The following FOS variants were observed in gnomAD, a reference collection of about 807,000 sequenced individuals.
FOS encodes Fos proto-oncogene, AP-1 transcription factor subunit.
In FOS, 9 loss-of-function variants were observed where a neutral mutation model predicts 27.2. That is an observed-to-expected ratio of 0.33 (90% CI 0.20 to 0.58). The LOEUF (loss-of-function observed/expected upper bound fraction) is 0.58. Ranked by LOEUF, FOS falls within the 20% of genes least tolerant of loss-of-function variation. The pLI is 0.87. For synonymous variants in FOS, 213 were observed against 205.1 expected (o/e 1.04, Z -0.33); for missense variants, 405 against 483.5 (o/e 0.84, Z 1.52).
In FOS at chr14:75,281,334, C is replaced by A; in HGVS notation, c.1053C>A (p.Phe351Leu). The A allele has an allele frequency of 6.2e-7, 1 of 1,610,028 alleles. No individual in the cohort carries two copies. Among genetic ancestry groups the A allele is most frequent in the Non-Finnish European group, 8.5e-7 (1 of 1,179,992 alleles). ...FVFTYPEADS[F>L]PSCAAAHRKG... is the part of the protein sequence containing the mutation. ...TCACCTACCCCGAGGCTGACTCCTT[C>A]CCCAGCTGTGCAGCTGCCCACCGCA... Residue 351 changes from phenylalanine (F) to leucine (L), a missense_variant, in exon 4 of 4, where the codon TTC becomes TTA. Transcript: ENST00000303562. The surrounding 1 kb of genome is among the most constrained non-coding windows in gnomAD (Gnocchi z 4.7).
In FOS at chr14:75,279,757, G is replaced by A; in HGVS notation, c.142-120G>A. 1 of 1,188,046 alleles carries A rather than the reference G, an allele frequency of 8.4e-7. No homozygotes were observed. 73.6% of individuals were successfully genotyped at this position (1,188,046 alleles called of 1,614,324 possible). A position where few individuals can be genotyped will look rare whatever the true frequency, so the allele number is the denominator to read the frequency against. On this transcript the variant is annotated intron_variant, in intron 1 of 3. Coordinates refer to ENST00000303562, the MANE Select transcript of FOS (RefSeq NM_005252.4). This position sits in a 1 kb window ranked among gnomAD's most constrained non-coding sequence, Gnocchi z 5.4. ...TTCATCCAGGATGAGGGACATTTAAGATGAAATGTCCGTGGCAGGATCGTT... is the reference window on the plus strand; with the variant it reads ...TTCATCCAGGATGAGGGACATTTAAAATGAAATGTCCGTGGCAGGATCGTT...
chr14:75,280,266 A>C, intron 2 of FOS, 138 bp downstream of exon 2: 3 of 1,168,720 alleles, frequency 2.6e-6, no homozygotes, highest in Non-Finnish European at 2.5e-6. Flanking sequence ...CCCTGGCTCC[A>C]AGCCCATTCC....
At position 75,281,572 on chromosome 14, in the gene FOS, C is replaced by T. The variant is rs540584397; in HGVS notation, c.*148C>T. ...TGCGTGAAACACACCAGGCTGTGGG[C>T]CTCAAGGACTTGAAAGCATCCATGT... On this transcript the variant is annotated 3_prime_UTR_variant, in exon 4 of 4. Coordinates refer to ENST00000303562, the MANE Select transcript of FOS (RefSeq NM_005252.4). This position sits in a 1 kb window ranked among gnomAD's most constrained non-coding sequence, Gnocchi z 4.7. The T allele has an allele frequency of 2.5e-4, 213 of 854,390 alleles. 2 individuals carry two copies. The South Asian group carries it at 3.5e-3, about 14-fold the overall frequency. 52.9% of individuals were successfully genotyped at this position (854,390 alleles called of 1,614,324 possible). A position where few individuals can be genotyped will look rare whatever the true frequency, so the allele number is the denominator to read the frequency against.
intron 2 of FOS, 153 bp downstream of exon 2, chr14:75,280,281 C>A: frequency 3.0e-6 from 3 of 1,002,040 alleles, no homozygotes; most frequent in Non-Finnish European, 4.6e-6. Flanking sequence ...CATTCCATCC[C>A]AACTCAGACT....
At chr14:75,280,168 C>A (rs1897211296) in intron 2 of FOS, 40 bp downstream of exon 2, 1 of 1,612,850 alleles carries the variant, frequency 6.2e-7, no homozygotes, top group Admixed American at 1.7e-5. Flanking sequence ...AATGTGGGGG[C>A]TGGGTGGGAA....
chr14:75,280,486 C>A, intron 2 of FOS, 74 bp from the exon 3 acceptor site: 8 of 1,216,576 alleles, frequency 6.6e-6, no homozygotes, highest in Admixed American at 2.0e-5. Flanking sequence ...GGAGCCAGTT[C>A]TACTGGGGTG....
chr14:75,280,877 C>G lies in FOS; in HGVS notation c.596C>G (p.Ala199Gly). Residue 199 changes from alanine to glycine, a missense_variant, in exon 4 of 4, where the codon GCT (alanine) becomes GGT (glycine). Coordinates refer to ENST00000303562, the MANE Select transcript of FOS (RefSeq NM_005252.4). ...EKEKLEFILA[A>G]HRPACKIPDD... ...GAAAAACTAGAGTTCATCCTGGCAGCTCACCGACCTGCCTGCAAGATCCCT... is the reference window on the plus strand; with the variant it reads ...GAAAAACTAGAGTTCATCCTGGCAGGTCACCGACCTGCCTGCAAGATCCCT... The G allele has an allele frequency of 6.2e-7, 1 of 1,614,116 alleles. No homozygotes were observed. The highest frequency in any genetic ancestry group is 8.5e-7 in the Non-Finnish European group (1 of 1,179,974).
At position 75,280,974 on chromosome 14, in the gene FOS, C is replaced by T. The variant is rs200602457; in HGVS notation, c.693C>T (p.Ala231=). The T allele has an allele frequency of 1.9e-6, 3 of 1,614,152 alleles. No homozygotes were observed. The highest frequency in any genetic ancestry group is 2.7e-5 in the African/African-American group (2 of 75,030). ...TGACTGGGGGCCTGCCAGAGGTTGCCACCCCGGAGTCTGAGGAGGCCTTCA... is the reference window on the plus strand; with the variant it reads ...TGACTGGGGGCCTGCCAGAGGTTGCTACCCCGGAGTCTGAGGAGGCCTTCA... ...LDLTGGLPEV[A]TPESEEAFTL... is the part of the protein sequence containing the mutation. The change falls in exon 4 of 4, where the codon GCC becomes GCT. Residue 231 remains alanine, a synonymous_variant. Transcript: ENST00000303562.
At position 75,281,475 on chromosome 14, in the gene FOS, C is replaced by G; in HGVS notation, c.*51C>G. ...GCACCCACAAGTGCCACTGCCCGAG[C>G]TGGTGCATTACAGAGAGGAGAAACA... On this transcript the variant is annotated 3_prime_UTR_variant, in exon 4 of 4. Coordinates refer to ENST00000303562, the MANE Select transcript of FOS (RefSeq NM_005252.4). This position sits in a 1 kb window ranked among gnomAD's most constrained non-coding sequence, Gnocchi z 4.7. 2.5e-6 allele frequency: 4 copies of G among 1,576,110 alleles called. No homozygotes were observed. The highest frequency in any genetic ancestry group is 3.4e-6 in the Non-Finnish European group (4 of 1,161,690).
chr14:75,278,962 C>T lies in FOS; in HGVS notation c.-21C>T. The T allele has an allele frequency of 6.2e-7, 1 of 1,613,098 alleles. No homozygotes were observed. ...TGTCTCCGCCCCTCGGCCCCTCGCC[C>T]GGCTTTGCCTAACCGCCACGATGAT... On this transcript the variant is annotated 5_prime_UTR_variant, in exon 1 of 4. Transcript: ENST00000303562. The surrounding 1 kb of genome is among the most constrained non-coding windows in gnomAD (Gnocchi z 4.1).
chr14:75,280,101 C>G lies in FOS; in HGVS notation c.366C>G (p.Ser122Arg), dbSNP rs1366234571. 1.2e-6 allele frequency: 2 copies of G among 1,613,912 alleles called. No homozygotes were observed. The highest frequency in any genetic ancestry group is 1.7e-6 in the Non-Finnish European group (2 of 1,180,042). The change falls in exon 2 of 4, where the codon AGC (serine) becomes AGG (arginine). Residue 122 changes from serine (S) to arginine (R), a missense_variant. Physicochemically the swap from Ser to Arg is moderately radical, Grantham distance 110 (BLOSUM62 -1). Coordinates refer to ENST00000303562, the MANE Select transcript of FOS (RefSeq NM_005252.4). The part of the protein sequence containing the change: ...VKTMTGGRAQ[S>R]IGRRGKVEQL... ...CCATGACAGGAGGCCGAGCGCAGAG[C>G]ATTGGCAGGAGGGGCAAGGTGGAAC... is the stretch of plus-strand genomic sequence containing the variant.
At position 75,281,569 on chromosome 14, in the gene FOS, G is replaced by A. The variant is rs1421886533; in HGVS notation, c.*145G>A. The A allele has an allele frequency of 2.3e-6, 2 of 870,898 alleles. No individual in the cohort carries two copies. The highest frequency in any genetic ancestry group is 3.4e-6 in the Non-Finnish European group (2 of 582,286). The allele number at this position is 870,898 out of a possible 1,614,324, so 53.9% of individuals were successfully genotyped here. A position where few individuals can be genotyped will look rare whatever the true frequency, so the allele number is the denominator to read the frequency against. Reference sequence around the variant, plus strand: ...CTGTGCGTGAAACACACCAGGCTGTGGGCCTCAAGGACTTGAAAGCATCCA... The same window carrying A: ...CTGTGCGTGAAACACACCAGGCTGTAGGCCTCAAGGACTTGAAAGCATCCA... On this transcript the variant is annotated 3_prime_UTR_variant, in exon 4 of 4. Transcript: ENST00000303562. This position sits in a 1 kb window ranked among gnomAD's most constrained non-coding sequence, Gnocchi z 4.7.
Position 75,280,958 on chromosome 14 carries a change from G to T in FOS, c.677G>T (p.Gly226Val). Residue 226 changes from glycine to valine, a missense_variant, in exon 4 of 4, where the codon GGC becomes GTC. Transcript: ENST00000303562. Reference protein sequence around the residue: ...MSVASLDLTGGLPEVATPESE... With the variant: ...MSVASLDLTGVLPEVATPESE... ...GTGGCTTCCCTTGATCTGACTGGGG[G>T]CCTGCCAGAGGTTGCCACCCCGGAG... The T allele has an allele frequency of 5.0e-6, 8 of 1,614,160 alleles. No homozygotes were observed. Among genetic ancestry groups the T allele is most frequent in the Non-Finnish European group, 6.8e-6 (8 of 1,180,016 alleles).
At position 75,280,019 on chromosome 14, in the gene FOS, C is replaced by A; in HGVS notation, c.284C>A (p.Pro95His). 6.2e-7 allele frequency: 1 copy of A among 1,614,164 alleles called. No individual in the cohort carries two copies. Among genetic ancestry groups the A allele is most frequent in the South Asian group, 1.1e-5 (1 of 91,076 alleles). ...CCATCGCAGACCAGAGCCCCTCACCCTTTCGGAGTCCCCGCCCCCTCCGCT... is the reference window on the plus strand; with the variant it reads ...CCATCGCAGACCAGAGCCCCTCACCATTTCGGAGTCCCCGCCCCCTCCGCT... The part of the protein sequence containing the change: ...VAPSQTRAPH[P>H]FGVPAPSAGA... Residue 95 changes from proline (P) to histidine (H), a missense_variant, in exon 2 of 4, where the codon CCT becomes CAT. Physicochemically the swap from Pro to His is moderately conservative, Grantham distance 77. Transcript: ENST00000303562.
At chr14:75,280,363 CTCT>C (rs1229385910) in intron 2 of FOS, 194 bp from the exon 3 acceptor site, 5 of 681,974 alleles carry the variant, frequency 7.3e-6, no homozygotes, top group African/African-American at 1.8e-5. Flanking sequence ...TCAGACTGGG[CTCT>C]TCTTTGTTCT....
rs1406719911 is a variant in FOS, at chr14:75,281,622, C to T, written c.*198C>T. ...TGTGGACTCAAGTCCTTACCTCTTC[C>T]GGAGATGTAGCAAAACGCATGGAGT... On this transcript the variant is annotated 3_prime_UTR_variant, in exon 4 of 4. Transcript: ENST00000303562. This position sits in a 1 kb window ranked among gnomAD's most constrained non-coding sequence, Gnocchi z 4.7. The T allele has an allele frequency of 1.5e-5, 9 of 612,900 alleles. No homozygotes were observed. Among genetic ancestry groups the T allele is most frequent in the East Asian group, 2.8e-5 (1 of 36,088 alleles). 38.0% of individuals were successfully genotyped at this position (612,900 alleles called of 1,614,324 possible).
At chr14:75,280,735 C>A in intron 3 of FOS, 48 bp from the exon 4 acceptor site, 2 of 1,609,976 alleles carry the variant, frequency 1.2e-6, no homozygotes, top group Non-Finnish European at 1.7e-6. Flanking sequence ...CATAAGGGCC[C>A]TTGAGTAAGA....
In FOS at chr14:75,279,915, C is replaced by A; in HGVS notation, c.180C>A (p.Phe60Leu). The A allele has an allele frequency of 6.2e-7, 1 of 1,613,340 alleles. No homozygotes were observed. ...CTDLAVSSAN[F>L]IPTVTAISTS... ...ACCTGGCCGTCTCCAGTGCCAACTT[C>A]ATTCCCACGGTCACTGCCATCTCGA... The change falls in exon 2 of 4, where the codon TTC becomes TTA. Residue 60 changes from phenylalanine (F) to leucine (L), a missense_variant. Transcript: ENST00000303562. The surrounding 1 kb of genome is among the most constrained non-coding windows in gnomAD (Gnocchi z 5.4).
Position 75,279,533 on chromosome 14 carries a change from G to C in FOS, c.142-344G>C, listed in dbSNP as rs1037235179. ...GGAGGAGGGTGCAGCGGGCGGGTGT[G>C]TAAGGCAGTTTCATTGATAAAAAGC... is the stretch of plus-strand genomic sequence containing the variant. On this transcript the variant is annotated intron_variant, in intron 1 of 3. Coordinates refer to ENST00000303562, the MANE Select transcript of FOS (RefSeq NM_005252.4). The surrounding 1 kb of genome is among the most constrained non-coding windows in gnomAD (Gnocchi z 5.4). The C allele has an allele frequency of 9.0e-6, 4 of 444,328 alleles. No homozygotes were observed. The highest frequency in any genetic ancestry group is 4.1e-5 in the Admixed American group (1 of 24,118). The allele number at this position is 444,328 out of a possible 1,614,324, so 27.5% of individuals were successfully genotyped here.
Sources: allele counts gnomAD v4.1 joint callset, GRCh38; gene constraint gnomAD v4.1.1; non-coding constraint Gnocchi (gnomAD v3.1); transcripts MANE v1.5; gene names NCBI Gene and HGNC (gene_info 2026-07-23, HGNC 2026-07-21).